SLC39A9: variants seen among roughly 807,000 people sequenced by gnomAD.
SLC39A9 encodes the protein solute carrier family 39 member 9.
Under a neutral mutation model 28.4 loss-of-function variants are expected in SLC39A9, and 14 were observed. That is an observed-to-expected ratio of 0.49 (90% CI 0.33 to 0.77). The LOEUF is 0.77. Ranked by LOEUF, SLC39A9 falls within the 30% of genes least tolerant of loss-of-function variation. The pLI, the probability that SLC39A9 is intolerant of heterozygous loss-of-function variation, is 0.02. For synonymous variants in SLC39A9, 119 were observed against 149.6 expected, an observed-to-expected ratio of 0.80 and a Z score of 1.49; for missense variants, 283 against 381.1, an observed-to-expected ratio of 0.74 and a Z score of 2.14.
At chr14:69,453,089 C>A in intron 3 of SLC39A9, 152 bp from the exon 4 acceptor site, 1 of 655,878 alleles carries the variant, frequency 1.5e-6, no homozygotes, top group Non-Finnish European at 2.8e-6. Flanking sequence ...ATCATCTCAA[C>A]ACTTTGGGAG....
chr14:69,446,021 CGTTGTTGTT>C (rs34229171), intron 3 of SLC39A9, among the ~76,000 whole-genome samples: 11 of 151,072 alleles, frequency 7.3e-5, no homozygotes, highest in East Asian at 5.8e-4. Context: ...ATACTGAACT[CGTTGTTGTT>C]GTTGTTGTTG....
chr14:69,398,550 A>G (rs2140237390), upstream of SLC39A9: 1 of 489,894 alleles, frequency 2.0e-6, no homozygotes, highest in African/African-American at 2.0e-5. Flanking sequence ...GATCACCGGT[A>G]TAGACAGTGA....
At chr14:69,423,393 A>C (rs1594919696) in intron 1 of SLC39A9, among the ~76,000 whole-genome samples, 1 of 152,326 alleles carries the variant, frequency 6.6e-6, no homozygotes, top group East Asian at 1.9e-4. Context: ...CACAGTGGTC[A>C]TCTTTGCACA....
chr14:69,426,606 T>G (rs1292439617), intron 2 of SLC39A9, among the ~76,000 whole-genome samples: 1 of 152,124 alleles, frequency 6.6e-6, no homozygotes, highest in East Asian at 1.9e-4. Context: ...CTCTTGGGTT[T>G]TTATGGAAGT....
In SLC39A9 at chr14:69,416,987, T is replaced by A. The variant is rs924339467; in HGVS notation, c.97-7107T>A. ...GCTCTTTAGTTTAATTAGATCCCAT[T>A]TGTCTATTTTGACTTTTGTTGCCAT... On this transcript the variant is annotated intron_variant, in intron 1 of 6. Transcript: ENST00000336643. Among the ~76,000 whole-genome samples the A allele has an allele frequency of 5.3e-5, 8 of 152,346 alleles. 1 individual carries two copies. Among genetic ancestry groups the A allele is most frequent in the Admixed American group, 2.0e-4 (3 of 15,294 alleles).
At chr14:69,441,705 T>G in intron 2 of SLC39A9, 1 of 688,730 alleles carries the variant, frequency 1.5e-6, no homozygotes, top group South Asian at 6.4e-5. Context: ...CCTATTTTCA[T>G]CAGAAAAAAA....
In SLC39A9 at chr14:69,442,078, A is replaced by G. The variant is rs1885074146; in HGVS notation, c.215A>G (p.His72Arg). ...GTTTATTCTGCTCTAGGAAAACACC[A>G]CCAAGCAAGTGAAACACATAATGTG... is the stretch of plus-strand genomic sequence containing the variant. ...LYEDILEGKH[H>R]QASETHNVIA... Residue 72 changes from histidine (H) to arginine (R), a missense_variant, in exon 3 of 7, where the codon CAC becomes CGC. Coordinates refer to ENST00000336643, the MANE Select transcript of SLC39A9 (RefSeq NM_018375.5). 3.1e-6 allele frequency: 5 copies of G among 1,614,096 alleles called. No homozygotes were observed. Among genetic ancestry groups the G allele is most frequent in the Non-Finnish European group, 3.4e-6 (4 of 1,179,972 alleles).
chr14:69,402,428 A>T (rs2124192), intron 1 of SLC39A9, among the ~76,000 whole-genome samples: 91,330 of 151,886 alleles, frequency 0.6, 29,238 homozygotes, highest in African/African-American at 0.83. Flanking sequence ...TTCTAAAAAT[A>T]TCTCAGAACA....
At chr14:69,422,011 C>T (rs368061480) in intron 1 of SLC39A9, among the ~76,000 whole-genome samples, 10 of 152,206 alleles carry the variant, frequency 6.6e-5, no homozygotes, top group African/African-American at 1.7e-4. Flanking sequence ...CTGGGCTGCA[C>T]TCACTGTCCA....
intron 1 of SLC39A9, among the ~76,000 whole-genome samples, chr14:69,418,515 T>G (rs1566911266): frequency 6.6e-6 from 1 of 152,312 alleles, no homozygotes; most frequent in East Asian, 1.9e-4. Context: ...GAATTCCCTC[T>G]TTTTCTATTG....
Position 69,459,342 on chromosome 14 carries a change from T to C in SLC39A9, c.*749T>C. The C allele has an allele frequency of 4.1e-6, 4 of 985,454 alleles. No homozygotes were observed. Among genetic ancestry groups the C allele is most frequent in the Non-Finnish European group, 4.8e-6 (4 of 829,944 alleles). The allele number at this position is 985,454 out of a possible 1,614,324, so 61.0% of individuals were successfully genotyped here. A position where few individuals can be genotyped will look rare whatever the true frequency, so the allele number is the denominator to read the frequency against. ...GTATTTTGTAGCATTCCTTGTCAAG[T>C]TCTCCTTTGCAGAATACCTGTCTCC... On this transcript the variant is annotated 3_prime_UTR_variant, in exon 7 of 7. Coordinates refer to ENST00000336643, the MANE Select transcript of SLC39A9 (RefSeq NM_018375.5).
intron 1 of SLC39A9, among the ~76,000 whole-genome samples, chr14:69,416,605 C>A (rs1014965344): frequency 6.6e-6 from 1 of 152,206 alleles, no homozygotes; most frequent in Non-Finnish European, 1.5e-5. Context: ...AAAAGCGTTC[C>A]TATTTCTCCA....
Position 69,459,192 on chromosome 14 carries a change from AT to A in SLC39A9, c.*600del. 1.0e-6 allele frequency: 1 copy of A among 985,634 alleles called. No homozygotes were observed. Among genetic ancestry groups the A allele is most frequent in the Non-Finnish European group, 1.2e-6 (1 of 830,012 alleles). 61.1% of individuals were successfully genotyped at this position (985,634 alleles called of 1,614,324 possible). ...AGCTCTCTTTATACTCAAAAGAGAT[AT>A]CCATTGAAAAGGGATGTCTAGAGGG... On this transcript the variant is annotated 3_prime_UTR_variant, in exon 7 of 7. Coordinates refer to ENST00000336643, the MANE Select transcript of SLC39A9 (RefSeq NM_018375.5).
chr14:69,430,879 A>G (rs1594928115), intron 2 of SLC39A9, among the ~76,000 whole-genome samples: 1 of 151,800 alleles, frequency 6.6e-6, no homozygotes. Context: ...TGACCCTCCT[A>G]CCTTGGCTGG....
chr14:69,423,088 T>C (rs1233663286), intron 1 of SLC39A9, among the ~76,000 whole-genome samples: 1 of 152,192 alleles, frequency 6.6e-6, no homozygotes, highest in Non-Finnish European at 1.5e-5. Context: ...TTATAAATGT[T>C]TTAAAAGTTA....
Position 69,458,403 on chromosome 14 carries a change from T to G in SLC39A9, c.734T>G (p.Val245Gly). The change falls in exon 7 of 7, where the codon GTG becomes GGG. Residue 245 changes from valine (V) to glycine (G), a missense_variant. Transcript: ENST00000336643. The stretch of plus-strand genomic sequence containing the variant: ...CTTTCAGAGGTGAACGCCACGGGAG[T>G]GGCCATGCTTTTCTCTGCCGGGACA... ...EALSEVNATGVAMLFSAGTFL... is the reference protein window; with the variant it reads ...EALSEVNATGGAMLFSAGTFL... 6.2e-7 allele frequency: 1 copy of G among 1,614,118 alleles called. No homozygotes were observed. Among genetic ancestry groups the G allele is most frequent in the Non-Finnish European group, 8.5e-7 (1 of 1,180,012 alleles).
At chr14:69,445,036 G>T (rs1205516893) in intron 3 of SLC39A9, among the ~76,000 whole-genome samples, 1 of 147,118 alleles carries the variant, frequency 6.8e-6, no homozygotes, top group African/African-American at 2.5e-5. Context: ...AGATTTCCAG[G>T]AGGTATTGTT....
Position 69,462,194 on chromosome 14 carries a change from T to A in SLC39A9, c.*3601T>A, listed in dbSNP as rs1886138795. 1 of 153,130 alleles carries A rather than the reference T, an allele frequency of 6.5e-6. No individual in the cohort carries two copies. The highest frequency in any genetic ancestry group is 2.4e-5 in the African/African-American group (1 of 41,474). The allele number at this position is 153,130 out of a possible 1,614,324, so 9.5% of individuals were successfully genotyped here. On this transcript the variant is annotated 3_prime_UTR_variant, in exon 7 of 7. Coordinates refer to ENST00000336643, the MANE Select transcript of SLC39A9 (RefSeq NM_018375.5). ...GGCATCTTCCAGCAAGTTAGAAGTCTCATGGGATAAGACTGCAGTTCCCCT... is the reference window on the plus strand; with the variant it reads ...GGCATCTTCCAGCAAGTTAGAAGTCACATGGGATAAGACTGCAGTTCCCCT...
At chr14:69,414,543 G>A (rs931417164) in intron 1 of SLC39A9, among the ~76,000 whole-genome samples, 6 of 152,198 alleles carry the variant, frequency 3.9e-5, no homozygotes, top group African/African-American at 9.6e-5. Flanking sequence ...GAGAACTGCC[G>A]TGAGGAAAGA....
Sources: gnomAD v4.1 joint callset for allele counts (sites outside exome capture counted in the v4.1 genomes callset) on GRCh38, gnomAD v4.1.1 for gene constraint, MANE v1.5 for transcripts, NCBI Gene and HGNC (gene_info 2026-07-23, HGNC 2026-07-21) for gene names.